Variants in SPAG16 observed in about 807,000 individuals in gnomAD.
SPAG16 encodes the protein sperm associated antigen 16, also known as sperm-associated antigen 16 protein.
Under a neutral mutation model 80.4 loss-of-function variants are expected in SPAG16, and 86 were observed. The ratio of observed to expected loss-of-function variants is 1.07; its 90% CI spans 0.90 to 1.28. The LOEUF (loss-of-function observed/expected upper bound fraction) is 1.28, where lower values mean the gene tolerates loss of function less well. SPAG16 is among the 50% of genes most tolerant of loss of function. SPAG16 has a pLI of 0.00. For synonymous variants in SPAG16, 294 were observed against 265.9 expected (o/e 1.11, Z -1.03); for missense variants, 870 against 765.3 (o/e 1.14, Z -1.61).
At chr2:213,356,630 C>A (rs1447803761) in intron 7 of SPAG16, among the ~76,000 whole-genome samples, 9 of 146,772 alleles carry the variant, frequency 6.1e-5, no homozygotes, top group African/African-American at 2.0e-4. Flanking sequence ...CTATTTGATT[C>A]TTCTCTCCTT....
intron 15 of SPAG16, among the ~76,000 whole-genome samples, chr2:214,352,584 C>G (rs112676476): frequency 1.5e-5 from 2 of 131,370 alleles, no homozygotes; most frequent in African/African-American, 8.0e-5. Flanking sequence ...GTATGTGTGA[C>G]TATCTCCTAA....
intron 9 of SPAG16, among the ~76,000 whole-genome samples, chr2:213,384,839 T>A (rs1237281617): frequency 6.6e-6 from 1 of 152,204 alleles, no homozygotes; most frequent in Non-Finnish European, 1.5e-5. Flanking sequence ...CTTTCAGCCC[T>A]TTAAAGATTC....
chr2:213,287,074 T>C (rs1222770143), intron 1 of SPAG16, among the ~76,000 whole-genome samples: 2 of 152,120 alleles, frequency 1.3e-5, no homozygotes, highest in East Asian at 3.8e-4. Context: ...CAAGGTGAGA[T>C]ACAAATATAC....
chr2:213,648,702 C>A (rs899398954), intron 10 of SPAG16, among the ~76,000 whole-genome samples: 4 of 152,046 alleles, frequency 2.6e-5, no homozygotes, highest in Non-Finnish European at 4.4e-5. Context: ...GGAGACTTGG[C>A]TAAAGGCATT....
rs1559578817 is a variant in SPAG16, at chr2:213,911,264, G to A, written c.1215-18696G>A. Among the ~76,000 whole-genome samples, 3 of 152,018 alleles carry A rather than the reference G, an allele frequency of 2.0e-5. No individual in the cohort carries two copies. The South Asian group carries it at 6.2e-4, about 32-fold the overall frequency. On this transcript the variant is annotated intron_variant, in intron 11 of 15. Coordinates refer to ENST00000331683, the MANE Select transcript of SPAG16 (RefSeq NM_024532.5). ...GGGCTCAAGTAATCCTCCCACCTTG[G>A]CCTCCCAGTAGCTATGACTACAGGC...
At chr2:213,587,743 T>G (rs905028130) in intron 10 of SPAG16, among the ~76,000 whole-genome samples, 1 of 151,752 alleles carries the variant, frequency 6.6e-6, no homozygotes, top group Non-Finnish European at 1.5e-5. Flanking sequence ...CTCTTTTTAC[T>G]GTAAGCAAAA....
At chr2:214,154,760 C>A in intron 15 of SPAG16, among the ~76,000 whole-genome samples, 1 of 152,040 alleles carries the variant, frequency 6.6e-6, no homozygotes. Flanking sequence ...TATTTCTGAG[C>A]CTCAGATTTT....
intron 9 of SPAG16, among the ~76,000 whole-genome samples, chr2:213,469,383 GA>G (rs1383757873): frequency 4.6e-5 from 7 of 151,998 alleles, no homozygotes; most frequent in Non-Finnish European, 5.9e-5. Context: ...GAAATAAAAT[GA>G]AGATGTTTTC....
At chr2:214,087,313 G>T (rs533454179) in intron 13 of SPAG16, among the ~76,000 whole-genome samples, 1 of 152,194 alleles carries the variant, frequency 6.6e-6, no homozygotes, top group South Asian at 2.1e-4. Flanking sequence ...GTGTTATTAT[G>T]TAAAAAAGTG....
intron 10 of SPAG16, among the ~76,000 whole-genome samples, chr2:213,845,772 G>A (rs2074592203): frequency 6.6e-6 from 1 of 152,196 alleles, no homozygotes; most frequent in Non-Finnish European, 1.5e-5. Context: ...CCATTCTGCT[G>A]TTTGTAGCTG....
chr2:213,510,623 T>G (rs546745958), intron 10 of SPAG16, among the ~76,000 whole-genome samples: 2 of 152,278 alleles, frequency 1.3e-5, no homozygotes, highest in African/African-American at 2.4e-5. Context: ...CAATGTGGGT[T>G]TTCGCGTTAC....
chr2:213,861,378 T>C (rs1346897049), intron 10 of SPAG16, among the ~76,000 whole-genome samples: 1 of 152,194 alleles, frequency 6.6e-6, no homozygotes, highest in East Asian at 1.9e-4. Flanking sequence ...ACTAGAGCCA[T>C]GGTTTCTTTG....
intron 15 of SPAG16, among the ~76,000 whole-genome samples, chr2:214,242,941 C>T (rs1486976417): frequency 6.6e-6 from 1 of 152,102 alleles, no homozygotes; most frequent in African/African-American, 2.4e-5. Flanking sequence ...GAATGACTCA[C>T]TGGTTAGTAA....
chr2:214,023,294 C>T (rs920962353), intron 13 of SPAG16, among the ~76,000 whole-genome samples: 6 of 151,528 alleles, frequency 4.0e-5, no homozygotes, highest in African/African-American at 1.5e-4. Context: ...ATATTAACAA[C>T]AAAAGTAAAA....
intron 8 of SPAG16, among the ~76,000 whole-genome samples, chr2:213,374,163 C>A (rs570697727): frequency 3.9e-5 from 6 of 151,980 alleles, no homozygotes; most frequent in African/African-American, 1.5e-4. Flanking sequence ...GAACTGGTAT[C>A]GAATAGAAAA....
At chr2:213,575,439 A>G (rs1051757502) in intron 10 of SPAG16, among the ~76,000 whole-genome samples, 5 of 152,086 alleles carry the variant, frequency 3.3e-5, no homozygotes, top group Non-Finnish European at 5.9e-5. Context: ...TGACTTTTTT[A>G]TTCATTTGAG....
chr2:214,101,107 GT>G (rs34027430), intron 13 of SPAG16, among the ~76,000 whole-genome samples: 47,853 of 151,418 alleles, frequency 0.32, 7,975 homozygotes, highest in African/African-American at 0.35. Context: ...AGTTTTAAAG[GT>G]TTTTTTGTCT....
chr2:213,444,516 A>G (rs1056134542), intron 9 of SPAG16, among the ~76,000 whole-genome samples: 6 of 152,208 alleles, frequency 3.9e-5, no homozygotes, highest in African/African-American at 1.4e-4. Flanking sequence ...TGAAGTTCTT[A>G]AAATACAACA....
chr2:213,677,168 A>G (rs2064127886), intron 10 of SPAG16, among the ~76,000 whole-genome samples: 1 of 152,210 alleles, frequency 6.6e-6, no homozygotes, highest in Non-Finnish European at 1.5e-5. Context: ...AAATCATGCC[A>G]AAATGTAGAG....
Sources: gnomAD v4.1 joint callset for allele counts (sites outside exome capture counted in the v4.1 genomes callset) on GRCh38, gnomAD v4.1.1 for gene constraint, MANE v1.5 for transcripts, NCBI Gene and HGNC (gene_info 2026-07-23, HGNC 2026-07-21) for gene names.